Variants in IMPG2 observed in about 807,000 individuals in gnomAD.
The protein encoded by IMPG2 is interphotoreceptor matrix proteoglycan 2.
Under a neutral mutation model 129.2 loss-of-function variants are expected in IMPG2, and 91 were observed. The ratio of observed to expected loss-of-function variants is 0.70; its 90% CI spans 0.59 to 0.84. The LOEUF (loss-of-function observed/expected upper bound fraction) is 0.84. Among genes scored for constraint, IMPG2 ranks in the 40% least tolerant of loss-of-function variants. The pLI is 0.00. For synonymous variants in IMPG2, 510 were observed against 517.7 expected (o/e 0.99, Z 0.20); for missense variants, 1,430 against 1,461.7 (o/e 0.98, Z 0.35).
intron 4 of IMPG2, among the ~76,000 whole-genome samples, chr3:101,287,057 T>A (rs1240896433): frequency 1.3e-5 from 2 of 152,184 alleles, no homozygotes; most frequent in Admixed American, 1.3e-4. Context: ...GATCTAAATT[T>A]TTCCTCTTTG....
chr3:101,289,522 T>A (rs1031641844), intron 4 of IMPG2, among the ~76,000 whole-genome samples: 2 of 152,124 alleles, frequency 1.3e-5, no homozygotes, highest in African/African-American at 4.8e-5. Flanking sequence ...TTGATAATGT[T>A]AGTCAGGCAA....
At chr3:101,240,089 T>A (rs893154971) in intron 14 of IMPG2, among the ~76,000 whole-genome samples, 1 of 151,886 alleles carries the variant, frequency 6.6e-6, no homozygotes. Context: ...CTGAAGTAAA[T>A]GTATTTATTG....
chr3:101,256,963 T>C (rs1320302896), intron 10 of IMPG2, among the ~76,000 whole-genome samples: 2 of 152,070 alleles, frequency 1.3e-5, no homozygotes, highest in African/African-American at 4.8e-5. Context: ...AAATCCAGGT[T>C]AAACACCCTC....
At chr3:101,229,235 C>A in intron 17 of IMPG2, 145 bp downstream of exon 17, 3 of 731,644 alleles carry the variant, frequency 4.1e-6, no homozygotes, top group South Asian at 1.6e-5. Context: ...GAGGTAAAAA[C>A]CAATTACTAA....
rs543312280 is a variant in IMPG2, at chr3:101,258,982, T to C, written c.909-1209A>G. Among the ~76,000 whole-genome samples, 10 of 152,306 alleles carry C rather than the reference T, an allele frequency of 6.6e-5. No individual in the cohort carries two copies. The East Asian group carries it at 1.9e-3, about 29-fold the overall frequency. ...GAATATTGTTGAGGAAACAAGCCCT[T>C]AGAGCAGTTAAAAGACTTCCTTTAG... On this transcript the variant is annotated intron_variant, in intron 9 of 18. Coordinates refer to ENST00000193391, the MANE Select transcript of IMPG2 (RefSeq NM_016247.4).
chr3:101,244,874 T>A (rs1344233189), intron 12 of IMPG2, 87 bp from the exon 13 acceptor site: 10 of 1,161,766 alleles, frequency 8.6e-6, no homozygotes, highest in Middle Eastern at 4.9e-4. Context: ...GCCTGTTTTT[T>A]CCCTGTGAAG....
At chr3:101,276,513 T>C (rs1055519770) in intron 5 of IMPG2, 151 bp downstream of exon 5, 2 of 632,602 alleles carry the variant, frequency 3.2e-6, no homozygotes, top group African/African-American at 3.7e-5. Flanking sequence ...TTTTTAAAAA[T>C]TACTTTTTCT....
chr3:101,273,169 T>C (rs1706805862), intron 7 of IMPG2, among the ~76,000 whole-genome samples: 2 of 152,324 alleles, frequency 1.3e-5, no homozygotes, highest in South Asian at 4.1e-4. Context: ...ACCTATGTGT[T>C]AACTATTGAA....
At chr3:101,250,681 A>G (rs1706534054) in intron 11 of IMPG2, among the ~76,000 whole-genome samples, 1 of 152,168 alleles carries the variant, frequency 6.6e-6, no homozygotes. Flanking sequence ...TGATAAAAGG[A>G]TTTTCAGAGG....
At position 101,226,871 on chromosome 3, in the gene IMPG2, C is replaced by G; in HGVS notation, c.*98G>C. ...AATTTTTTCATAGAAAACTCTTCTT[C>G]CAACAGTGTTTAAAATCCAGGTTAA... On this transcript the variant is annotated 3_prime_UTR_variant, in exon 19 of 19. Transcript: ENST00000193391. The G allele has an allele frequency of 1.5e-6, 2 of 1,293,456 alleles. No individual in the cohort carries two copies. The highest frequency in any genetic ancestry group is 3.7e-4 in the Middle Eastern group (2 of 5,398). The allele number at this position is 1,293,456 out of a possible 1,614,324, so 80.1% of individuals were successfully genotyped here.
intron 4 of IMPG2, among the ~76,000 whole-genome samples, chr3:101,277,021 C>T (rs947130048): frequency 6.6e-6 from 1 of 152,122 alleles, no homozygotes; most frequent in East Asian, 1.9e-4. Context: ...TTATTTATCT[C>T]TGTCTCTAAT....
intron 3 of IMPG2, among the ~76,000 whole-genome samples, chr3:101,295,689 G>T (rs560288496): frequency 3.2e-4 from 49 of 152,306 alleles, no homozygotes; most frequent in Admixed American, 1.3e-3. Context: ...TCCTATTCAT[G>T]AGGATGGAAT....
At chr3:101,301,272 G>A (rs1259815684) in intron 3 of IMPG2, among the ~76,000 whole-genome samples, 3 of 152,058 alleles carry the variant, frequency 2.0e-5, no homozygotes, top group Non-Finnish European at 2.9e-5. Context: ...TTAAAATTTC[G>A]AATATTTTGA....
In IMPG2 at chr3:101,243,646, A is replaced by T; in HGVS notation, c.2685T>A (p.Thr895=). Reference sequence around the variant, plus strand: ...TGAAGAAAACCACCAAAGCTCCTGAAGTCTGGGTATAACTCAAGTCATCTC... The same window carrying T: ...TGAAGAAAACCACCAAAGCTCCTGATGTCTGGGTATAACTCAAGTCATCTC... The part of the protein sequence containing the change: ...EGGDDLSYTQ[T]SGALVVFFSL... Residue 895 remains threonine, a synonymous_variant, in exon 13 of 19, where the codon ACT becomes ACA. Transcript: ENST00000193391. 1.2e-6 allele frequency: 2 copies of T among 1,614,040 alleles called. No individual in the cohort carries two copies. The highest frequency in any genetic ancestry group is 1.7e-6 in the Non-Finnish European group (2 of 1,179,994).
At chr3:101,304,583 A>C (rs1221756039) in intron 2 of IMPG2, among the ~76,000 whole-genome samples, 6 of 152,166 alleles carry the variant, frequency 3.9e-5, no homozygotes, top group Non-Finnish European at 8.8e-5. Flanking sequence ...TCTCTTAAAA[A>C]AGTCCATGTT....
chr3:101,238,373 A>T (rs1319927798), intron 14 of IMPG2, among the ~76,000 whole-genome samples: 1 of 152,184 alleles, frequency 6.6e-6, no homozygotes, highest in Non-Finnish European at 1.5e-5. Context: ...AGAGAATCCC[A>T]CAAAGATACT....
At chr3:101,302,931 C>G (rs1031322245) in intron 3 of IMPG2, among the ~76,000 whole-genome samples, 1 of 152,022 alleles carries the variant, frequency 6.6e-6, no homozygotes. Flanking sequence ...CCAACGTCCC[C>G]CATTTAATAA....
At chr3:101,316,845 T>C (rs2058788178) in intron 2 of IMPG2, among the ~76,000 whole-genome samples, 1 of 152,124 alleles carries the variant, frequency 6.6e-6, no homozygotes, top group Admixed American at 6.6e-5. Flanking sequence ...AAATATCCCA[T>C]ATTGTGGTAT....
intron 2 of IMPG2, among the ~76,000 whole-genome samples, chr3:101,319,057 A>C (rs1173331538): frequency 6.6e-6 from 1 of 152,032 alleles, no homozygotes; most frequent in African/African-American, 2.4e-5. Flanking sequence ...ACTATTAATA[A>C]ATAGGCAAGC....
Sources: allele counts gnomAD v4.1 joint callset (sites outside exome capture counted in the v4.1 genomes callset), GRCh38; gene constraint gnomAD v4.1.1; transcripts MANE v1.5; gene names NCBI Gene and HGNC (gene_info 2026-07-23, HGNC 2026-07-21).